The following MYLK variants were observed in gnomAD, a reference collection of about 807,000 sequenced individuals.
MYLK encodes myosin light chain kinase, smooth muscle.
A neutral mutation model predicts 203.4 loss-of-function variants in MYLK; 106 were observed. That is an observed-to-expected ratio of 0.52 (90% CI 0.45 to 0.61). MYLK has a LOEUF of 0.61. Ranked by LOEUF, MYLK falls within the 20% of genes least tolerant of loss-of-function variation. The pLI is 0.00. For synonymous variants in MYLK, 867 were observed against 959.5 expected (o/e 0.90, Z 1.78); for missense variants, 2,072 against 2,442.3 (o/e 0.85, Z 3.20).
chr3:123,763,650 T>A (rs1454908476), intron 4 of MYLK, among the ~76,000 whole-genome samples: 2 of 152,208 alleles, frequency 1.3e-5, no homozygotes, highest in South Asian at 2.1e-4. Flanking sequence ...TTGAGAGGCA[T>A]AATGCCACAC....
chr3:123,666,085 G>A (rs2059723827), intron 22 of MYLK, 134 bp downstream of exon 22: 1 of 1,388,052 alleles, frequency 7.2e-7, no homozygotes, highest in Non-Finnish European at 1.0e-6. Context: ...GATGGGTAGG[G>A]GAGTGGCCTC....
At chr3:123,879,881 C>T (rs755959720) in intron 1 of MYLK, among the ~76,000 whole-genome samples, 4 of 152,166 alleles carry the variant, frequency 2.6e-5, no homozygotes, top group Non-Finnish European at 4.4e-5. Context: ...GTCTCAATCT[C>T]CTCACCTTGT....
At chr3:123,820,710 C>T (rs2065906657) in intron 3 of MYLK, among the ~76,000 whole-genome samples, 1 of 150,384 alleles carries the variant, frequency 6.6e-6, no homozygotes, top group Admixed American at 6.7e-5. Flanking sequence ...TTCCTTCCTT[C>T]TTTCCTCTCT....
intron 23 of MYLK, among the ~76,000 whole-genome samples, chr3:123,658,089 A>G (rs936717912): frequency 1.4e-4 from 22 of 152,230 alleles, no homozygotes; most frequent in Admixed American, 1.4e-3. Context: ...TTCTTAGAAG[A>G]GTGGCTGGCT....
chr3:123,706,606 G>A (rs112478423), intron 16 of MYLK, among the ~76,000 whole-genome samples: 135 of 152,220 alleles, frequency 8.9e-4, no homozygotes, highest in African/African-American at 3.1e-3. Flanking sequence ...ATCAATCCAG[G>A]GCTGGCATAG....
intron 3 of MYLK, among the ~76,000 whole-genome samples, chr3:123,808,495 A>G (rs1273787909): frequency 6.6e-6 from 1 of 152,206 alleles, no homozygotes; most frequent in Non-Finnish European, 1.5e-5. Flanking sequence ...ATTGTATAGG[A>G]TACCAACTGT....
chr3:123,841,540 C>T (rs1432729737), intron 2 of MYLK, among the ~76,000 whole-genome samples: 2 of 152,060 alleles, frequency 1.3e-5, no homozygotes, highest in Non-Finnish European at 1.5e-5. Context: ...TACCTTCAAC[C>T]ACTCATTTTC....
chr3:123,614,874 A>G (rs1488912153), intron 33 of MYLK, among the ~76,000 whole-genome samples: 1 of 151,264 alleles, frequency 6.6e-6, no homozygotes. Flanking sequence ...TGGCATGAAC[A>G]TGGCTCACTG....
chr3:123,838,287 G>A (rs886939818), intron 2 of MYLK, among the ~76,000 whole-genome samples: 3 of 151,932 alleles, frequency 2.0e-5, no homozygotes, highest in Non-Finnish European at 2.9e-5. Flanking sequence ...CTGTCAATCT[G>A]GAATTCCATA....
rs111872082 is a variant in MYLK at position 123,734,244 on chromosome 3, G to A, written c.774-22C>T. 8.5e-4 allele frequency: 1,218 copies of A among 1,437,910 alleles called. 15 individuals carry two copies. In the African/African-American group the frequency reaches 0.017, roughly 20 times the overall value. The allele number at this position is 1,437,910 out of a possible 1,614,324, so 89.1% of individuals were successfully genotyped here. On this transcript the variant is annotated intron_variant, in intron 9 of 33. Coordinates refer to ENST00000360304, the MANE Select transcript of MYLK (RefSeq NM_053025.4). ...TGACCTGTGTGGTGGTGAGGGTGGG[G>A]GTAGGGTGGGTGAGGAGAGGGGAGA...
intron 1 of MYLK, among the ~76,000 whole-genome samples, chr3:123,883,836 C>G (rs1191174712): frequency 6.6e-6 from 1 of 152,144 alleles, no homozygotes; most frequent in East Asian, 1.9e-4. Flanking sequence ...CTGGAAGGAC[C>G]TTCACGTGGC....
chr3:123,726,124 TCTGGTGATG>T (rs1560136425), intron 11 of MYLK, 46 bp from the exon 12 acceptor site: 1 of 1,612,068 alleles, frequency 6.2e-7, no homozygotes, highest in African/African-American at 1.3e-5. Flanking sequence ...GCTTGCCCAC[TCTGGTGATG>T]CCTGCAGTCA....
Position 123,683,048 on chromosome 3 carries a change from CTG to C in MYLK, c.3566-740_3566-739del. Reference sequence around the variant, plus strand: ...GGGCAAGCAGGGCGACATCACTTGGCTGGGCTGGGCTGGGCTGGGTGGAAAGG... The same window carrying C: ...GGGCAAGCAGGGCGACATCACTTGGCGGCTGGGCTGGGCTGGGTGGAAAGG... On this transcript the variant is annotated intron_variant, in intron 19 of 33. Coordinates refer to ENST00000360304, the MANE Select transcript of MYLK (RefSeq NM_053025.4). Among the ~76,000 whole-genome samples the C allele has an allele frequency of 3.8e-3, 5 of 1,316 alleles. No homozygotes were observed. The Non-Finnish European group carries it at 0.13, about 35-fold the overall frequency. The allele number at this position is 1,316 out of a possible 152,430, so 0.9% of individuals were successfully genotyped here. A position where few individuals can be genotyped will look rare whatever the true frequency, so the allele number is the denominator to read the frequency against.
rs757296690 is a variant in MYLK at position 123,629,503 on chromosome 3, G to A, written c.5085C>T (p.Phe1695=). The stretch of plus-strand genomic sequence containing the variant: ...TATCTTTCTTCAGCAGATTGCTGAT[G>A]AAATCCTTGGCATCGTCGGAGATCT... The part of the protein sequence containing the change: ...FDEISDDAKD[F]ISNLLKKDMK... Residue 1695 remains phenylalanine, a synonymous_variant, in exon 30 of 34, where the codon TTC becomes TTT. Coordinates refer to ENST00000360304, the MANE Select transcript of MYLK (RefSeq NM_053025.4). This position sits in a 1 kb window ranked among gnomAD's most constrained non-coding sequence, Gnocchi z 4.4. The A allele has an allele frequency of 1.9e-6, 3 of 1,614,214 alleles. No individual in the cohort carries two copies. Among genetic ancestry groups the A allele is most frequent in the Non-Finnish European group, 2.5e-6 (3 of 1,180,046 alleles).
intron 13 of MYLK, among the ~76,000 whole-genome samples, chr3:123,710,454 C>A (rs1349119414): frequency 2.6e-5 from 4 of 152,196 alleles, no homozygotes; most frequent in Non-Finnish European, 5.9e-5. Flanking sequence ...AACTGAAGAG[C>A]TTCTTTGTCA....
At chr3:123,698,282 A>G (rs56009710) in intron 18 of MYLK, among the ~76,000 whole-genome samples, 14,991 of 152,200 alleles carry the variant, frequency 0.098, 839 homozygotes, top group South Asian at 0.15. Flanking sequence ...AGAACTCAAG[A>G]AAGATATTAA....
intron 2 of MYLK, among the ~76,000 whole-genome samples, chr3:123,844,822 G>GTTT (rs146243787): frequency 2.5e-5 from 3 of 117,834 alleles, no homozygotes; most frequent in Non-Finnish European, 3.4e-5. Flanking sequence ...CTCCTCAGTT[G>GTTT]TTTTTTTTTT....
chr3:123,875,315 C>T (rs922736532), intron 2 of MYLK, among the ~76,000 whole-genome samples: 13 of 152,102 alleles, frequency 8.5e-5, no homozygotes, highest in Admixed American at 4.6e-4. Context: ...ATATACCCAC[C>T]ACCATGGATG....
chr3:123,769,758 A>G (rs754890894), intron 4 of MYLK, among the ~76,000 whole-genome samples: 4 of 152,224 alleles, frequency 2.6e-5, no homozygotes, highest in Non-Finnish European at 5.9e-5. Flanking sequence ...GCTTTGGCTC[A>G]CTGGTGAATT....
Sources: gnomAD v4.1 joint callset for allele counts (sites outside exome capture counted in the v4.1 genomes callset) on GRCh38, gnomAD v4.1.1 for gene constraint, Gnocchi (gnomAD v3.1) non-coding constraint, MANE v1.5 for transcripts, NCBI Gene and HGNC (gene_info 2026-07-23, HGNC 2026-07-21) for gene names.